Variants in MSI2 observed in about 807,000 individuals in gnomAD.
The protein encoded by MSI2 is musashi RNA binding protein 2.
In MSI2, 17 loss-of-function variants were observed where a neutral mutation model predicts 45.6. The observed-to-expected ratio is 0.37, with a 90% CI of 0.26 to 0.56. MSI2 has a LOEUF of 0.56. Among genes scored for constraint, MSI2 ranks in the 20% least tolerant of loss-of-function variants. MSI2 has a pLI of 0.77. For synonymous variants in MSI2, 156 were observed against 158.2 expected, an observed-to-expected ratio of 0.99 and a Z score of 0.11; for missense variants, 293 against 444.2, an observed-to-expected ratio of 0.66 and a Z score of 3.06.
chr17:57,401,245 C>T (rs77926572), intron 5 of MSI2, 134 bp from the exon 6 acceptor site: 17,350 of 693,768 alleles, frequency 0.025, 1,233 homozygotes, highest in Admixed American at 0.18. Context: ...TCTAAACGCC[C>T]GCGCCATGCA....
chr17:57,320,847 A>G (rs1462730710), intron 5 of MSI2, among the ~76,000 whole-genome samples: 2 of 152,104 alleles, frequency 1.3e-5, no homozygotes, highest in Admixed American at 6.5e-5. Flanking sequence ...ATGGGTACAA[A>G]GGGCTCTGGC....
intron 11 of MSI2, among the ~76,000 whole-genome samples, chr17:57,655,139 T>C (rs570439159): frequency 1.2e-4 from 18 of 151,974 alleles, no homozygotes; most frequent in Non-Finnish European, 2.2e-4. Context: ...CTGTTCCTAA[T>C]TCCCCTAGGA....
chr17:57,328,241 G>A (rs1190982393), intron 5 of MSI2, among the ~76,000 whole-genome samples: 4 of 150,090 alleles, frequency 2.7e-5, no homozygotes, highest in Admixed American at 2.7e-4. Flanking sequence ...CATCTACCTA[G>A]CCATCCATCC....
At chr17:57,430,641 G>A (rs1291195929) in intron 6 of MSI2, among the ~76,000 whole-genome samples, 1 of 152,098 alleles carries the variant, frequency 6.6e-6, no homozygotes, top group Non-Finnish European at 1.5e-5. Flanking sequence ...AGAGACTCCG[G>A]GGCTGCACTC....
chr17:57,275,039 AG>A (rs1671829785), intron 5 of MSI2, among the ~76,000 whole-genome samples: 1 of 152,230 alleles, frequency 6.6e-6, no homozygotes, highest in South Asian at 2.1e-4. Flanking sequence ...AAAGATACAA[AG>A]TGTTCTGTTC....
At chr17:57,503,363 G>GTT (rs2086158387) in intron 6 of MSI2, among the ~76,000 whole-genome samples, 1 of 152,086 alleles carries the variant, frequency 6.6e-6, no homozygotes, top group South Asian at 2.1e-4. Context: ...ACACATATAC[G>GTT]TTTTGCTAGG....
At chr17:57,491,048 T>G (rs1390553540) in intron 6 of MSI2, among the ~76,000 whole-genome samples, 1 of 152,220 alleles carries the variant, frequency 6.6e-6, no homozygotes, top group East Asian at 1.9e-4. Context: ...GGTGTCACAC[T>G]GCCCCTCGTG....
At chr17:57,504,228 C>G (rs549581567) in intron 6 of MSI2, among the ~76,000 whole-genome samples, 1 of 152,212 alleles carries the variant, frequency 6.6e-6, no homozygotes, top group Non-Finnish European at 1.5e-5. Flanking sequence ...GTCTCCCATC[C>G]AGCCTCCTTG....
chr17:57,345,676 G>GGGTGT (rs796683675), intron 5 of MSI2, among the ~76,000 whole-genome samples: 117 of 151,990 alleles, frequency 7.7e-4, no homozygotes, highest in African/African-American at 2.7e-3. Context: ...AAAATTACCC[G>GGGTGT]GGTGTGGTGG....
At chr17:57,314,361 G>A (rs1220260734) in intron 5 of MSI2, among the ~76,000 whole-genome samples, 1 of 152,142 alleles carries the variant, frequency 6.6e-6, no homozygotes, top group Non-Finnish European at 1.5e-5. Context: ...GATGGTAGGA[G>A]TTTTTCAAGG....
intron 6 of MSI2, among the ~76,000 whole-genome samples, chr17:57,521,749 G>A (rs908850197): frequency 2.6e-5 from 4 of 152,164 alleles, no homozygotes; most frequent in Non-Finnish European, 5.9e-5. Flanking sequence ...GATCACTGGG[G>A]AGCTTTAAAA....
chr17:57,635,259 C>T (rs1175411865), intron 10 of MSI2, among the ~76,000 whole-genome samples: 1 of 152,202 alleles, frequency 6.6e-6, no homozygotes, highest in Non-Finnish European at 1.5e-5. Flanking sequence ...AATTTGATCC[C>T]CAAAGCACGT....
intron 7 of MSI2, among the ~76,000 whole-genome samples, chr17:57,548,469 G>A (rs1034676629): frequency 2.0e-5 from 3 of 152,142 alleles, no homozygotes; most frequent in African/African-American, 7.2e-5. Context: ...TAATTAATAG[G>A]CTTGAAGTCA....
At chr17:57,285,864 T>G in intron 5 of MSI2, 3 of 1,515,154 alleles carry the variant, frequency 2.0e-6, no homozygotes, top group Non-Finnish European at 2.6e-6. Context: ...GTAGTTCTGA[T>G]TTTCCGAACA....
In MSI2 at chr17:57,668,286, C is replaced by G. The variant is rs1000816448; in HGVS notation, c.791-6686C>G. ...TCCGAATGGTAGTGTGCTTCCCCAG[C>G]TTTACCACTGACATGTTATATGAGA... On this transcript the variant is annotated intron_variant, in intron 11 of 13. Coordinates refer to ENST00000284073, the MANE Select transcript of MSI2 (RefSeq NM_138962.4). Among the ~76,000 whole-genome samples, 5 of 152,150 alleles carry G rather than the reference C, an allele frequency of 3.3e-5. No homozygotes were observed. In the East Asian group the frequency reaches 9.6e-4, roughly 29 times the overall value.
At chr17:57,366,788 G>A (rs181844588) in intron 5 of MSI2, among the ~76,000 whole-genome samples, 1 of 152,148 alleles carries the variant, frequency 6.6e-6, no homozygotes, top group Non-Finnish European at 1.5e-5. Flanking sequence ...TTGCCATAGC[G>A]TGGGTGGCTT....
At chr17:57,326,561 A>C (rs868728) in intron 5 of MSI2, among the ~76,000 whole-genome samples, 49,194 of 152,122 alleles carry the variant, frequency 0.32, 12,239 homozygotes, top group African/African-American at 0.7. Flanking sequence ...TAGAGGCCTC[A>C]TGATTAACTG....
At chr17:57,466,935 G>A (rs142973931) in intron 6 of MSI2, among the ~76,000 whole-genome samples, 481 of 152,354 alleles carry the variant, frequency 3.2e-3, no homozygotes, top group Non-Finnish European at 4.5e-3. Context: ...TAATGAGAGA[G>A]TGGAGGGAAT....
chr17:57,636,666 A>G (rs1225494678), intron 10 of MSI2, among the ~76,000 whole-genome samples: 1 of 152,080 alleles, frequency 6.6e-6, no homozygotes, highest in Non-Finnish European at 1.5e-5. Context: ...ACGGCCCCTC[A>G]TTTTCCTGTA....
Sources: allele counts gnomAD v4.1 joint callset (sites outside exome capture counted in the v4.1 genomes callset), GRCh38; gene constraint gnomAD v4.1.1; transcripts MANE v1.5; gene names NCBI Gene and HGNC (gene_info 2026-07-23, HGNC 2026-07-21).